Variants in CCL16 observed in about 807,000 individuals in gnomAD.
CCL16 encodes C-C motif chemokine ligand 16.
In CCL16, 6 loss-of-function variants were observed where a neutral mutation model predicts 7.5. The observed-to-expected ratio is 0.80, with a 90% CI of 0.44 to 1.57. The LOEUF is 1.57. CCL16 is among the 40% of genes most tolerant of loss of function. CCL16 has a pLI of 0.01. For synonymous variants in CCL16, 60 were observed against 57.7 expected, an observed-to-expected ratio of 1.04 and a Z score of -0.18; for missense variants, 134 against 142.9, an observed-to-expected ratio of 0.94 and a Z score of 0.32.
In CCL16 at chr17:35,981,236, C is replaced by A. The variant is rs1018392951; in HGVS notation, c.76+109G>T. The A allele has an allele frequency of 8.8e-6, 6 of 681,628 alleles. No homozygotes were observed. In the African/African-American group the frequency reaches 1.1e-4, roughly 12 times the overall value. The allele number at this position is 681,628 out of a possible 1,614,324, so 42.2% of individuals were successfully genotyped here. A position where few individuals can be genotyped will look rare whatever the true frequency, so the allele number is the denominator to read the frequency against. ...GCTATGCATGAAGGTGGGGAGAGCC[C>A]ACAGGGTCTTATGAGGCCAGAGACC... On this transcript the variant is annotated intron_variant, in intron 1 of 2. Coordinates refer to ENST00000611905, the MANE Select transcript of CCL16 (RefSeq NM_004590.4).
intron 2 of CCL16, 44 bp from the exon 3 acceptor site, chr17:35,977,775 A>T: frequency 5.6e-6 from 9 of 1,595,362 alleles, no homozygotes; most frequent in Non-Finnish European, 7.7e-6. Flanking sequence ...AGACTCGGGC[A>T]GGAGTCCGGT....
chr17:35,978,100 T>C (rs757286891), intron 2 of CCL16, 43 bp downstream of exon 2: 2 of 1,613,670 alleles, frequency 1.2e-6, no homozygotes, highest in Non-Finnish European at 1.7e-6. Context: ...GCCCCTGGGC[T>C]CCCTGTCCCT....
chr17:35,981,261 C>T (rs2089678678), intron 1 of CCL16, 84 bp downstream of exon 1: 1 of 908,772 alleles, frequency 1.1e-6, no homozygotes, highest in Admixed American at 2.1e-5. Context: ...GGCCAGAGAC[C>T]CGACAGCGCC....
In CCL16 at chr17:35,976,707, A is replaced by C. The variant is rs2089639480; in HGVS notation, c.*859T>G. ...CTCTGTACCCCTGCCACCCTGAGGA[A>C]GACAAAATATGAGAGGATCTAGCAA... On this transcript the variant is annotated 3_prime_UTR_variant, in exon 3 of 3. Transcript: ENST00000611905. 1 of 151,712 alleles carries C rather than the reference A, an allele frequency of 6.6e-6. No homozygotes were observed. Among genetic ancestry groups the C allele is most frequent in the African/African-American group, 2.4e-5 (1 of 41,232 alleles). 9.4% of individuals were successfully genotyped at this position (151,712 alleles called of 1,614,324 possible).
chr17:35,977,707 T>A lies in CCL16; in HGVS notation c.222A>T (p.Glu74Asp), dbSNP rs762191626. 6.2e-7 allele frequency: 1 copy of A among 1,612,184 alleles called. No homozygotes were observed. Among genetic ancestry groups the A allele is most frequent in the Non-Finnish European group, 8.5e-7 (1 of 1,179,986 alleles). ...AGTCGTCATTGGGGTTGGTGCAGAC[T>A]TCTCGGTTCCTCTTGGTGACGAAGC... is the stretch of plus-strand genomic sequence containing the variant. Reference protein sequence around the residue: ...AIIFVTKRNREVCTNPNDDWV... With the variant: ...AIIFVTKRNRDVCTNPNDDWV... The change falls in exon 3 of 3, where the codon GAA (glutamate) becomes GAT (aspartate). Residue 74 changes from glutamate to aspartate, a missense_variant. Coordinates refer to ENST00000611905, the MANE Select transcript of CCL16 (RefSeq NM_004590.4).
intron 1 of CCL16, 137 bp from the exon 2 acceptor site, chr17:35,978,400 T>C (rs1245185024): frequency 3.4e-6 from 4 of 1,166,530 alleles, no homozygotes; most frequent in Non-Finnish European, 3.7e-6. Flanking sequence ...ATAGCTTGAC[T>C]GGTAATGAAG....
intron 1 of CCL16, among the ~76,000 whole-genome samples, chr17:35,979,169 G>C (rs1360361513): frequency 6.6e-6 from 1 of 151,978 alleles, no homozygotes; most frequent in Non-Finnish European, 1.5e-5. Flanking sequence ...AGGACTTGTA[G>C]AATCTGGAAG....
intron 1 of CCL16, chr17:35,980,562 CA>C (rs887560579): frequency 1.3e-4 from 23 of 176,772 alleles, no homozygotes; most frequent in Admixed American, 5.9e-4. Context: ...AGCAAACAAA[CA>C]AAAAAACAAA....
At position 35,976,563 on chromosome 17, in the gene CCL16, G is replaced by C. The variant is rs944735654; in HGVS notation, c.*1003C>G. 6.6e-6 allele frequency: 1 copy of C among 151,982 alleles called. No homozygotes were observed. The highest frequency in any genetic ancestry group is 1.5e-5 in the Non-Finnish European group (1 of 68,006). 9.4% of individuals were successfully genotyped at this position (151,982 alleles called of 1,614,324 possible). On this transcript the variant is annotated 3_prime_UTR_variant, in exon 3 of 3. Transcript: ENST00000611905. The stretch of plus-strand genomic sequence containing the variant: ...TTGGACTAAGAGTTTACCCCTAGCC[G>C]TGTCTCATACCCTTTCTTTCCCTGT...
intron 1 of CCL16, among the ~76,000 whole-genome samples, chr17:35,979,710 C>T (rs1223797515): frequency 6.6e-6 from 1 of 152,172 alleles, no homozygotes; most frequent in Non-Finnish European, 1.5e-5. Flanking sequence ...GTAATGACTG[C>T]TCTTCTTGCC....
In CCL16 at chr17:35,976,791, GC is replaced by G. The variant is rs1019974137; in HGVS notation, c.*774del. 1 of 151,946 alleles carries G rather than the reference GC, an allele frequency of 6.6e-6. No individual in the cohort carries two copies. The highest frequency in any genetic ancestry group is 1.5e-5 in the Non-Finnish European group (1 of 68,018). The allele number at this position is 151,946 out of a possible 1,614,324, so 9.4% of individuals were successfully genotyped here. A position where few individuals can be genotyped will look rare whatever the true frequency, so the allele number is the denominator to read the frequency against. ...CATCCGGACTTCCTATGAAAAAGTTGCATTATAAAATGAAAGAATAATTGAA... is the reference window on the plus strand; with the variant it reads ...CATCCGGACTTCCTATGAAAAAGTTGATTATAAAATGAAAGAATAATTGAA... On this transcript the variant is annotated 3_prime_UTR_variant, in exon 3 of 3. Transcript: ENST00000611905.
rs1474701802 is a variant in CCL16, at chr17:35,977,074, T to G, written c.*492A>C. 6.6e-6 allele frequency: 1 copy of G among 152,630 alleles called. No individual in the cohort carries two copies. The highest frequency in any genetic ancestry group is 1.5e-5 in the Non-Finnish European group (1 of 68,402). The allele number at this position is 152,630 out of a possible 1,614,324, so 9.5% of individuals were successfully genotyped here. Reference sequence around the variant, plus strand: ...GCTCACGCCTGTAATCCCAGCACTTTTGGAAGGCTGAGGCAGGTGGATTGC... The same window carrying G: ...GCTCACGCCTGTAATCCCAGCACTTGTGGAAGGCTGAGGCAGGTGGATTGC... On this transcript the variant is annotated 3_prime_UTR_variant, in exon 3 of 3. Transcript: ENST00000611905.
chr17:35,977,968 A>G (rs1447948602), intron 2 of CCL16, among the ~76,000 whole-genome samples, 175 bp downstream of exon 2: 1 of 152,304 alleles, frequency 6.6e-6, no homozygotes, highest in East Asian at 1.9e-4. Context: ...AATGAACCAC[A>G]TAGCTAAAAG....
intron 1 of CCL16, among the ~76,000 whole-genome samples, chr17:35,981,076 C>T (rs1381584259): frequency 6.6e-6 from 1 of 152,150 alleles, no homozygotes; most frequent in Non-Finnish European, 1.5e-5. Context: ...GGCCTCTCCT[C>T]CTGAATGATC....
chr17:35,978,087 C>T, intron 2 of CCL16, 56 bp downstream of exon 2: 1 of 1,611,080 alleles, frequency 6.2e-7, no homozygotes, highest in South Asian at 1.1e-5. Flanking sequence ...GTATCTCATT[C>T]CTGCCCCTGG....
intron 1 of CCL16, 151 bp from the exon 2 acceptor site, chr17:35,978,414 A>G (rs1598730555): frequency 9.8e-7 from 1 of 1,015,894 alleles, no homozygotes; most frequent in Non-Finnish European, 1.5e-6. Flanking sequence ...AATGAAGTGC[A>G]TAAGATGAAT....
At chr17:35,977,919 C>G (rs899160903) in intron 2 of CCL16, among the ~76,000 whole-genome samples, 188 bp from the exon 3 acceptor site, 2 of 152,300 alleles carry the variant, frequency 1.3e-5, no homozygotes, top group Admixed American at 6.5e-5. Context: ...CTCTCAGTCC[C>G]TTCTCCACTC....
intron 1 of CCL16, among the ~76,000 whole-genome samples, chr17:35,979,583 T>C (rs1346132280): frequency 6.6e-6 from 1 of 152,170 alleles, no homozygotes; most frequent in Non-Finnish European, 1.5e-5. Flanking sequence ...TGATACTTAC[T>C]TGTATCCTAG....
At chr17:35,978,558 G>C (rs950017599) in intron 1 of CCL16, among the ~76,000 whole-genome samples, 5 of 150,792 alleles carry the variant, frequency 3.3e-5, no homozygotes, top group African/African-American at 9.7e-5. Context: ...GACTTGATCG[G>C]GCAAACATGT....
Sources: allele counts gnomAD v4.1 joint callset (sites outside exome capture counted in the v4.1 genomes callset), GRCh38; gene constraint gnomAD v4.1.1; transcripts MANE v1.5; gene names NCBI Gene and HGNC (gene_info 2026-07-23, HGNC 2026-07-21).